SCD5: variants seen among roughly 807,000 people sequenced by gnomAD.
SCD5 encodes the protein stearoyl-CoA desaturase 5, also known as acyl-CoA-desaturase 4.
In SCD5, 20 loss-of-function variants were observed where a neutral mutation model predicts 30.4. That is an observed-to-expected ratio of 0.66 (90% CI 0.46 to 0.96). The LOEUF (loss-of-function observed/expected upper bound fraction) is 0.96, where lower values mean the gene tolerates loss of function less well. Ranked by LOEUF, SCD5 falls within the 40% of genes least tolerant of loss-of-function variation. The pLI, the probability that SCD5 is intolerant of heterozygous loss-of-function variation, is 0.00. For synonymous variants in SCD5, 173 were observed against 176.4 expected, an observed-to-expected ratio of 0.98 and a Z score of 0.16; for missense variants, 381 against 443.3, an observed-to-expected ratio of 0.86 and a Z score of 1.26.
chr4:82,784,571 C>T (rs1578067273), intron 1 of SCD5, among the ~76,000 whole-genome samples: 2 of 152,208 alleles, frequency 1.3e-5, no homozygotes, highest in East Asian at 1.9e-4. Flanking sequence ...ATACACATTG[C>T]TTCTACTGCA....
chr4:82,783,803 CAA>C (rs531792678), intron 1 of SCD5, among the ~76,000 whole-genome samples: 16 of 88,514 alleles, frequency 1.8e-4, no homozygotes, highest in Non-Finnish European at 1.4e-4. Context: ...AACTCTGTCT[CAA>C]AAAAAAAAAA....
intron 2 of SCD5, among the ~76,000 whole-genome samples, chr4:82,701,189 T>C (rs1335154487): frequency 6.6e-6 from 1 of 152,176 alleles, no homozygotes; most frequent in East Asian, 1.9e-4. Flanking sequence ...TTTCGATTAG[T>C]TGTAAATGTA....
intron 3 of SCD5, among the ~76,000 whole-genome samples, chr4:82,642,732 A>T (rs1727570437): frequency 6.6e-6 from 1 of 152,224 alleles, no homozygotes; most frequent in African/African-American, 2.4e-5. Context: ...ATTAGAATAA[A>T]TTGGGGAACA....
At chr4:82,743,065 TC>T (rs1720910668) in intron 1 of SCD5, among the ~76,000 whole-genome samples, 2 of 152,198 alleles carry the variant, frequency 1.3e-5, no homozygotes, top group African/African-American at 4.8e-5. Flanking sequence ...CCACTGAGAC[TC>T]CCAGTTGGAT....
chr4:82,688,311 C>T (rs1394883837), intron 2 of SCD5, among the ~76,000 whole-genome samples: 4 of 151,952 alleles, frequency 2.6e-5, no homozygotes, highest in Middle Eastern at 3.4e-3. Context: ...CGTGTGCGTG[C>T]GTGTGGTGTG....
intron 3 of SCD5, among the ~76,000 whole-genome samples, chr4:82,670,095 T>C (rs546155100): frequency 6.6e-6 from 1 of 152,176 alleles, no homozygotes; most frequent in Admixed American, 6.5e-5. Context: ...TCATGTCCAG[T>C]TATCAAGAAA....
chr4:82,683,323 C>T (rs948995832), intron 2 of SCD5, among the ~76,000 whole-genome samples: 1 of 152,160 alleles, frequency 6.6e-6, no homozygotes, highest in Non-Finnish European at 1.5e-5. Context: ...CTGCTGTGGT[C>T]TAAGAAATAA....
intron 1 of SCD5, among the ~76,000 whole-genome samples, chr4:82,712,297 T>TATACATATATATATATACG (rs1560540874): frequency 3.0e-5 from 1 of 33,766 alleles, no homozygotes; most frequent in Non-Finnish European, 6.3e-5. Flanking sequence ...TATATATATA[T>TATACATATATATATATACG]TTTATTTTTA....
chr4:82,635,738 T>C (rs990968407), intron 4 of SCD5, among the ~76,000 whole-genome samples: 3 of 151,842 alleles, frequency 2.0e-5, no homozygotes, highest in African/African-American at 7.3e-5. Context: ...GTGCTAGTAT[T>C]ACCCCCACTT....
intron 1 of SCD5, among the ~76,000 whole-genome samples, chr4:82,720,435 C>CAAAAAGAA (rs1720343333): frequency 6.9e-5 from 1 of 14,398 alleles, no homozygotes; most frequent in Non-Finnish European, 1.2e-4. Context: ...TCAAAAAAGG[C>CAAAAAGAA]AAAAATAAAA....
In SCD5 at chr4:82,718,482, G is replaced by A. The variant is rs746847314; in HGVS notation, c.233-13069C>T. On this transcript the variant is annotated intron_variant, in intron 1 of 4. Coordinates refer to ENST00000319540, the MANE Select transcript of SCD5 (RefSeq NM_001037582.3). The stretch of plus-strand genomic sequence containing the variant: ...TGAACCCAGTGGATTCTGACCAAAC[G>A]TTCCTCTATCTGGCAGCCACAGGCC... Among the ~76,000 whole-genome samples the A allele has an allele frequency of 1.8e-4, 28 of 151,746 alleles. 5 individuals are homozygous for A. Among genetic ancestry groups the A allele is most frequent in the African/African-American group, 6.8e-4 (28 of 41,058 alleles).
At chr4:82,721,151 A>T (rs911398271) in intron 1 of SCD5, among the ~76,000 whole-genome samples, 7 of 152,034 alleles carry the variant, frequency 4.6e-5, no homozygotes, top group African/African-American at 1.7e-4. Context: ...ACAGAGTGAG[A>T]CCCCATCTTA....
chr4:82,735,503 T>C (rs1383296782), intron 1 of SCD5, among the ~76,000 whole-genome samples: 1 of 152,154 alleles, frequency 6.6e-6, no homozygotes, highest in African/African-American at 2.4e-5. Context: ...TGTAAAGTAG[T>C]GAATAATCCT....
chr4:82,699,114 G>GT (rs1719759092), intron 2 of SCD5, among the ~76,000 whole-genome samples: 1 of 152,080 alleles, frequency 6.6e-6, no homozygotes, highest in African/African-American at 2.4e-5. Context: ...TGAATGTTAT[G>GT]TATTTGAATC....
At chr4:82,679,251 A>G (rs1411122723) in intron 3 of SCD5, among the ~76,000 whole-genome samples, 32 of 120,156 alleles carry the variant, frequency 2.7e-4, no homozygotes, top group African/African-American at 9.2e-4. Flanking sequence ...AAAGAAAGAA[A>G]GAAAGAAAGA....
At position 82,680,824 on chromosome 4, in the gene SCD5, A is replaced by C. The variant is rs138660783; in HGVS notation, c.452T>G (p.Phe151Cys). 444 of 1,613,586 alleles carry C rather than the reference A, an allele frequency of 2.8e-4. 1 individual carries two copies. The highest frequency in any genetic ancestry group is 5.1e-4 in the East Asian group (23 of 44,818). Residue 151 changes from phenylalanine (F) to cysteine (C), a missense_variant, in exon 3 of 5, where the codon TTC becomes TGC. Transcript: ENST00000319540. ...DADPHNARRG[F>C]FFSHIGWLFV... The stretch of plus-strand genomic sequence containing the variant: ...CAGCCACCCAATATGGGAGAAGAAG[A>C]AGCCCCGGCGGGCATTGTGGGGGTC...
chr4:82,759,730 G>A (rs925856587), intron 1 of SCD5, among the ~76,000 whole-genome samples: 3 of 151,120 alleles, frequency 2.0e-5, no homozygotes, highest in African/African-American at 7.3e-5. Context: ...CCTTCCTTTG[G>A]GCCTTCATTG....
chr4:82,706,404 G>A (rs1273020058), intron 1 of SCD5, among the ~76,000 whole-genome samples: 3 of 152,148 alleles, frequency 2.0e-5, no homozygotes, highest in Non-Finnish European at 4.4e-5. Context: ...TGTCCTTTTG[G>A]GAATCTCCAA....
rs571263846 is a variant in SCD5, at chr4:82,694,493, T to C, written c.363+10790A>G. Among the ~76,000 whole-genome samples, 8 of 152,346 alleles carry C rather than the reference T, an allele frequency of 5.3e-5. No homozygotes were observed. The East Asian group carries it at 1.5e-3, about 29-fold the overall frequency. On this transcript the variant is annotated intron_variant, in intron 2 of 4. Coordinates refer to ENST00000319540, the MANE Select transcript of SCD5 (RefSeq NM_001037582.3). ...AGTATTTCAGTGAGGATCTTGTTCTTAGACCTTTGGCCTGTAAGAGGCTTT... is the reference window on the plus strand; with the variant it reads ...AGTATTTCAGTGAGGATCTTGTTCTCAGACCTTTGGCCTGTAAGAGGCTTT...
Sources: gnomAD v4.1 joint callset for allele counts (sites outside exome capture counted in the v4.1 genomes callset) on GRCh38, gnomAD v4.1.1 for gene constraint, MANE v1.5 for transcripts, NCBI Gene and HGNC (gene_info 2026-07-23, HGNC 2026-07-21) for gene names.